Variants in HECW1 observed in about 807,000 individuals in gnomAD.
The protein encoded by HECW1 is HECT, C2 and WW domain containing E3 ubiquitin protein ligase 1, also known as E3 ubiquitin-protein ligase HECW1.
In HECW1, 61 loss-of-function variants were observed where a neutral mutation model predicts 182.3. That is an observed-to-expected ratio of 0.33 (90% CI 0.27 to 0.41). The LOEUF (loss-of-function observed/expected upper bound fraction) is 0.41. Ranked by LOEUF, HECW1 falls within the 10% of genes least tolerant of loss-of-function variation. The probability of loss-of-function intolerance (pLI) is 1.00; values close to 1 mark genes in which losing one functional copy is unlikely to be tolerated. For synonymous variants in HECW1, 859 were observed against 832.6 expected, an observed-to-expected ratio of 1.03 and a Z score of -0.55; for missense variants, 1,739 against 2,108.9, an observed-to-expected ratio of 0.82 and a Z score of 3.44.
intron 29 of HECW1, among the ~76,000 whole-genome samples, chr7:43,555,756 A>T (rs970467178): frequency 1.3e-5 from 2 of 152,328 alleles, no homozygotes; most frequent in African/African-American, 4.8e-5. Context: ...ACCCTGGTGC[A>T]GGCTTCAGCC....
At chr7:43,412,424 CTTTTA>C (rs992954303) in intron 8 of HECW1, among the ~76,000 whole-genome samples, 23 of 120,128 alleles carry the variant, frequency 1.9e-4, no homozygotes, top group African/African-American at 7.0e-4. Flanking sequence ...CTTTTCATTT[CTTTTA>C]TTTATTTATT....
At chr7:43,194,538 C>T (rs1452055544) in intron 2 of HECW1, 1 of 152,196 alleles carries the variant, frequency 6.6e-6, no homozygotes, top group Non-Finnish European at 1.5e-5. Context: ...TCCCTGGACC[C>T]TTCTTTTCCG....
intron 3 of HECW1, chr7:43,245,615 T>C (rs372284507): frequency 7.9e-5 from 12 of 152,326 alleles, no homozygotes; most frequent in Non-Finnish European, 1.6e-4. Flanking sequence ...CAGATCATCA[T>C]AGGGGATTTT....
At chr7:43,517,964 T>C (rs1209802964) in intron 24 of HECW1, among the ~76,000 whole-genome samples, 4 of 152,216 alleles carry the variant, frequency 2.6e-5, no homozygotes, top group African/African-American at 9.6e-5. Context: ...ATTAACTATT[T>C]AGTTAATGAT....
chr7:43,118,365 A>C (rs923919915), intron 2 of HECW1: 24 of 152,686 alleles, frequency 1.6e-4, no homozygotes, highest in Admixed American at 7.9e-4. Context: ...AAGTCAGAGC[A>C]GTTGGAGAAA....
At chr7:43,175,085 A>C (rs1364261963) in intron 2 of HECW1, among the ~76,000 whole-genome samples, 1 of 151,872 alleles carries the variant, frequency 6.6e-6, no homozygotes, top group Non-Finnish European at 1.5e-5. Flanking sequence ...CCAACATTTT[A>C]TTATGAAATT....
intron 3 of HECW1, among the ~76,000 whole-genome samples, chr7:43,270,634 A>G (rs1241934989): frequency 2.0e-5 from 3 of 152,226 alleles, no homozygotes; most frequent in Non-Finnish European, 4.4e-5. Context: ...AATTGAGACC[A>G]TCTCAGGGGC....
At chr7:43,275,641 G>T (rs916765961) in intron 3 of HECW1, among the ~76,000 whole-genome samples, 2 of 151,906 alleles carry the variant, frequency 1.3e-5, no homozygotes, top group African/African-American at 4.8e-5. Flanking sequence ...TTGAAGCCTG[G>T]TCATTAATTC....
intron 6 of HECW1, among the ~76,000 whole-genome samples, chr7:43,369,475 AAAAT>A (rs1217373983): frequency 6.6e-6 from 1 of 152,076 alleles, no homozygotes; most frequent in Admixed American, 6.6e-5. Context: ...AAAAAATAAA[AAAAT>A]AAAGAGACAA....
In HECW1 at chr7:43,341,307, T is replaced by TATAAATAA. The variant is rs61727601; in HGVS notation, c.461-19543_461-19536dup. On this transcript the variant is annotated intron_variant, in intron 5 of 29. Transcript: ENST00000395891. ...ACATGTACCCTAGAACTTACAGTATTATAAATAAATAAATAAATAAATAAA... is the reference window on the plus strand; with the variant it reads ...ACATGTACCCTAGAACTTACAGTATTATAAATAAATAAATAAATAAATAAATAAATAAA... Among the ~76,000 whole-genome samples, 669 of 148,674 alleles carry TATAAATAA rather than the reference T, an allele frequency of 4.5e-3. 5 individuals carry two copies. Among genetic ancestry groups the TATAAATAA allele is most frequent in the East Asian group, 0.012 (59 of 5,094 alleles).
intron 24 of HECW1, 39 bp downstream of exon 24, chr7:43,509,160 TCTC>T (rs924299314): frequency 1.3e-6 from 2 of 1,595,986 alleles, no homozygotes; most frequent in African/African-American, 2.7e-5. Context: ...ATTTGAAAGT[TCTC>T]CTCTTTCTTA....
At chr7:43,342,997 C>T (rs146361366) in intron 5 of HECW1, among the ~76,000 whole-genome samples, 41 of 150,978 alleles carry the variant, frequency 2.7e-4, no homozygotes, top group East Asian at 1.2e-3. Flanking sequence ...TGCACTCCAG[C>T]GTGGGAGACA....
rs148372257 is a variant in HECW1, at chr7:43,559,913, T to A, written c.4710-1902T>A. On this transcript the variant is annotated intron_variant, in intron 29 of 29. Transcript: ENST00000395891. Reference sequence around the variant, plus strand: ...GCAACTAGTAAGTAAACCATGAGTGTTCAGACTAGGTGCTATTCGTCAATG... The same window carrying A: ...GCAACTAGTAAGTAAACCATGAGTGATCAGACTAGGTGCTATTCGTCAATG... Among the ~76,000 whole-genome samples the A allele has an allele frequency of 3.7e-4, 57 of 152,344 alleles. 2 individuals are homozygous for A. In the East Asian group the frequency reaches 0.011, roughly 29 times the overall value.
chr7:43,333,383 C>T (rs770673997), intron 5 of HECW1, among the ~76,000 whole-genome samples: 8 of 152,314 alleles, frequency 5.3e-5, no homozygotes, highest in Non-Finnish European at 7.4e-5. Context: ...TCAATCGCTT[C>T]CTCACAGGTA....
At chr7:43,331,780 A>C (rs1460709214) in intron 5 of HECW1, among the ~76,000 whole-genome samples, 1 of 152,196 alleles carries the variant, frequency 6.6e-6, no homozygotes, top group Non-Finnish European at 1.5e-5. Flanking sequence ...GCATCATGGC[A>C]GCTTGCCTAA....
At chr7:43,331,372 C>T (rs370279350) in intron 5 of HECW1, among the ~76,000 whole-genome samples, 1 of 152,066 alleles carries the variant, frequency 6.6e-6, no homozygotes, top group African/African-American at 2.4e-5. Context: ...GGGCGGATCA[C>T]AAGGTCAGGA....
chr7:43,167,476 A>C, intron 2 of HECW1, among the ~76,000 whole-genome samples: 1 of 152,204 alleles, frequency 6.6e-6, no homozygotes, highest in Non-Finnish European at 1.5e-5. Context: ...GGGATCCACT[A>C]TTCAACAACT....
intron 2 of HECW1, among the ~76,000 whole-genome samples, chr7:43,228,889 A>G (rs1341540283): frequency 6.6e-6 from 1 of 152,236 alleles, no homozygotes; most frequent in Non-Finnish European, 1.5e-5. Context: ...ATATGTCTTA[A>G]GACAAAAGAA....
intron 8 of HECW1, among the ~76,000 whole-genome samples, chr7:43,413,914 C>T (rs1483456044): frequency 7.1e-6 from 1 of 140,680 alleles, no homozygotes. Context: ...GTTCTTTTGG[C>T]TTAGGATTGA....
Sources: allele counts gnomAD v4.1 joint callset (sites outside exome capture counted in the v4.1 genomes callset), GRCh38; gene constraint gnomAD v4.1.1; transcripts MANE v1.5; gene names NCBI Gene and HGNC (gene_info 2026-07-23, HGNC 2026-07-21).